BCR: variants seen among roughly 807,000 people sequenced by gnomAD.
The protein encoded by BCR is breakpoint cluster region protein.
In BCR, 58 loss-of-function variants were observed where a neutral mutation model predicts 138.6. The ratio of observed to expected loss-of-function variants is 0.42; its 90% CI spans 0.34 to 0.52. The LOEUF is 0.52. BCR is among the 20% of genes least tolerant of loss of function. The pLI, the probability that BCR is intolerant of heterozygous loss-of-function variation, is 0.06. For synonymous variants in BCR, 786 were observed against 730.1 expected (o/e 1.08, Z -1.23); for missense variants, 1,599 against 1,727.2 (o/e 0.93, Z 1.32).
intron 1 of BCR, among the ~76,000 whole-genome samples, chr22:23,198,971 A>C (rs1769285877): frequency 6.6e-6 from 1 of 151,936 alleles, no homozygotes; most frequent in South Asian, 2.1e-4. Context: ...AATACACAAA[A>C]ATTAGCTGGA....
chr22:23,314,281 A>C (rs1257040827), intron 21 of BCR, among the ~76,000 whole-genome samples: 1 of 152,110 alleles, frequency 6.6e-6, no homozygotes, highest in Non-Finnish European at 1.5e-5. Context: ...GTGGCCTTAA[A>C]AAAGAGCTCA....
intron 1 of BCR, among the ~76,000 whole-genome samples, chr22:23,240,692 A>G (rs1048497984): frequency 6.6e-6 from 1 of 152,110 alleles, no homozygotes; most frequent in Non-Finnish European, 1.5e-5. Context: ...AAATATACAT[A>G]ACATGTACTG....
intron 1 of BCR, among the ~76,000 whole-genome samples, chr22:23,248,007 G>A (rs1330810158): frequency 6.6e-6 from 1 of 152,152 alleles, no homozygotes. Context: ...CCCATGTTGT[G>A]ATGAATATGG....
rs747233940 is a variant in BCR at position 23,285,130 on chromosome 22, G to T, written c.2335G>T (p.Val779Leu). ...GGAGGCAGTGCCCAACATCCCCCTGGTGCCCGATGAGGAGCTGGACGCTTT... is the reference window on the plus strand; with the variant it reads ...GGAGGCAGTGCCCAACATCCCCCTGTTGCCCGATGAGGAGCTGGACGCTTT... The part of the protein sequence containing the change: ...ELEAVPNIPL[V>L]PDEELDALKI... The change falls in exon 10 of 23, where the codon GTG (valine) becomes TTG (leucine). Residue 779 changes from valine to leucine, a missense_variant. Physicochemically the swap from Val to Leu is conservative, Grantham distance 32. Transcript: ENST00000305877. 49 of 1,613,950 alleles carry T rather than the reference G, an allele frequency of 3.0e-5. No homozygotes were observed. The highest frequency in any genetic ancestry group is 4.2e-5 in the Non-Finnish European group (49 of 1,179,994).
chr22:23,289,876 A>G (rs2073764614), intron 13 of BCR: 1 of 554,702 alleles, frequency 1.8e-6, no homozygotes, highest in Non-Finnish European at 3.2e-6. Flanking sequence ...ACAAGGCTGC[A>G]GCAGACGCTC....
At chr22:23,252,372 TC>T (rs1480868780) in intron 1 of BCR, among the ~76,000 whole-genome samples, 1 of 151,914 alleles carries the variant, frequency 6.6e-6, no homozygotes, top group Non-Finnish European at 1.5e-5. Context: ...CAAGGACCGT[TC>T]CTGACATCAA....
chr22:23,309,735 G>A, intron 17 of BCR: 2 of 540,470 alleles, frequency 3.7e-6, no homozygotes, highest in East Asian at 3.1e-5. Context: ...ACCAGGACAG[G>A]TGGGGCCTCC....
intron 1 of BCR, among the ~76,000 whole-genome samples, chr22:23,225,191 CT>C (rs34267356): frequency 0.2 from 28,839 of 142,640 alleles, 3,279 homozygotes; most frequent in East Asian, 0.54. Context: ...GTCTGTGGTG[CT>C]TTTTTTTTTT....
intron 1 of BCR, among the ~76,000 whole-genome samples, chr22:23,192,466 G>A (rs982079607): frequency 1.3e-5 from 2 of 152,240 alleles, no homozygotes; most frequent in Admixed American, 6.5e-5. Flanking sequence ...CCTTCCAGCA[G>A]GTCGGCTTTG....
intron 16 of BCR, among the ~76,000 whole-genome samples, chr22:23,304,340 G>A (rs1222201999): frequency 2.0e-5 from 3 of 152,060 alleles, no homozygotes; most frequent in Non-Finnish European, 4.4e-5. Context: ...AATCATACTA[G>A]AGTGGGCTTT....
At chr22:23,298,988 C>G (rs1315036264) in intron 16 of BCR, among the ~76,000 whole-genome samples, 1 of 152,054 alleles carries the variant, frequency 6.6e-6, no homozygotes, top group East Asian at 1.9e-4. Flanking sequence ...GGGGCCTGCC[C>G]CTCTCCAAGG....
Position 23,273,834 on chromosome 22 carries a change from G to A in BCR, c.2115+60G>A, listed in dbSNP as rs567498294. Reference sequence around the variant, plus strand: ...TCCTGCTGAGCTGGGGGCATGCAGGGCCCCTCGATCTGAGGTCTGGAGCCC... The same window carrying A: ...TCCTGCTGAGCTGGGGGCATGCAGGACCCCTCGATCTGAGGTCTGGAGCCC... On this transcript the variant is annotated intron_variant, in intron 8 of 22. Coordinates refer to ENST00000305877, the MANE Select transcript of BCR (RefSeq NM_004327.4). The A allele has an allele frequency of 3.0e-5, 48 of 1,601,974 alleles. 1 individual carries two copies. The South Asian group carries it at 4.9e-4, about 16-fold the overall frequency.
In BCR at chr22:23,314,677, C is replaced by T. The variant is rs773165133; in HGVS notation, c.3689C>T (p.Thr1230Ile). 1.9e-6 allele frequency: 3 copies of T among 1,611,976 alleles called. No homozygotes were observed. In the South Asian group the frequency reaches 3.3e-5, roughly 18 times the overall value. Residue 1230 changes from threonine (T) to isoleucine (I), a missense_variant, in exon 22 of 23, where the codon ACC becomes ATC. Around this residue, in one of 4 missense-constraint regions of BCR, gnomAD observed 177 missense variants for 226.4 expected, o/e 0.78. Transcript: ENST00000305877. ...CCTGCCAACCCCAGCCAGCCTATCA[C>T]CATGACTGACAGCTGGTCCTTGGAG... ...KLPANPSQPI[T>I]MTDSWSLEVM...
Position 23,251,752 on chromosome 22 carries a change from T to A in BCR, c.1280-2047T>A, listed in dbSNP as rs550554721. ...TTGGGCAGGGCTGCTTACAGGTGAC[T>A]CATGGTGAGAGTGACGTCACCCCAT... On this transcript the variant is annotated intron_variant, in intron 1 of 22. Coordinates refer to ENST00000305877, the MANE Select transcript of BCR (RefSeq NM_004327.4). Among the ~76,000 whole-genome samples, 17 of 152,314 alleles carry A rather than the reference T, an allele frequency of 1.1e-4. No individual in the cohort carries two copies. The East Asian group carries it at 3.3e-3, about 30-fold the overall frequency.
chr22:23,237,303 G>T (rs1239410517), intron 1 of BCR, among the ~76,000 whole-genome samples: 3 of 152,192 alleles, frequency 2.0e-5, no homozygotes, highest in Non-Finnish European at 4.4e-5. Flanking sequence ...ATGGAGGCAG[G>T]CTGGGCGTGT....
intron 4 of BCR, among the ~76,000 whole-genome samples, chr22:23,267,980 G>A (rs1700448887): frequency 6.6e-6 from 1 of 152,046 alleles, no homozygotes; most frequent in African/African-American, 2.4e-5. Flanking sequence ...GACTGGACAT[G>A]CGTGGAACAC....
At chr22:23,250,742 A>G (rs1602063910) in intron 1 of BCR, among the ~76,000 whole-genome samples, 1 of 152,142 alleles carries the variant, frequency 6.6e-6, no homozygotes, top group East Asian at 1.9e-4. Flanking sequence ...GCATGATTTT[A>G]AAAAAGGAAG....
chr22:23,266,119 C>G (rs1602082582), intron 4 of BCR, among the ~76,000 whole-genome samples: 1 of 151,938 alleles, frequency 6.6e-6, no homozygotes, highest in Non-Finnish European at 1.5e-5. Flanking sequence ...GAGTCTCACT[C>G]TGTCGCCCAA....
At chr22:23,300,844 A>C (rs543514371) in intron 16 of BCR, among the ~76,000 whole-genome samples, 14 of 152,306 alleles carry the variant, frequency 9.2e-5, no homozygotes, top group Non-Finnish European at 1.5e-4. Flanking sequence ...GGCTCACATA[A>C]AACATTGGCA....
Sources: allele counts gnomAD v4.1 joint callset (sites outside exome capture counted in the v4.1 genomes callset), GRCh38; gene constraint gnomAD v4.1.1; regional missense constraint gnomAD v4.1.1; transcripts MANE v1.5; gene names NCBI Gene and HGNC (gene_info 2026-07-23, HGNC 2026-07-21).